The following SLC9C1 variants were observed in gnomAD, a reference collection of about 807,000 sequenced individuals.
SLC9C1 encodes the protein solute carrier family 9 member C1, also known as sodium/hydrogen exchanger 10.
Under a neutral mutation model 140.9 loss-of-function variants are expected in SLC9C1, and 97 were observed. The ratio of observed to expected loss-of-function variants is 0.69; its 90% CI spans 0.58 to 0.82. The LOEUF is 0.82. Ranked by LOEUF, SLC9C1 falls within the 40% of genes least tolerant of loss-of-function variation. The pLI is 0.00. For synonymous variants in SLC9C1, 440 were observed against 442.6 expected (o/e 0.99, Z 0.07); for missense variants, 1,340 against 1,389.3 (o/e 0.96, Z 0.56).
chr3:112,154,155 G>A (rs935613216), intron 27 of SLC9C1, among the ~76,000 whole-genome samples: 14 of 152,116 alleles, frequency 9.2e-5, no homozygotes, highest in Non-Finnish European at 2.1e-4. Context: ...TGTAAAATAT[G>A]TATTTAACAA....
chr3:112,290,866 C>T (rs1469281021), intron 1 of SLC9C1, among the ~76,000 whole-genome samples: 1 of 138,994 alleles, frequency 7.2e-6, no homozygotes, highest in African/African-American at 2.7e-5. Flanking sequence ...TGTCTGAAAT[C>T]AGGATTGCAA....
intron 20 of SLC9C1, among the ~76,000 whole-genome samples, chr3:112,188,384 C>A (rs185346099): frequency 1.5e-5 from 2 of 136,602 alleles, no homozygotes; most frequent in Admixed American, 1.5e-4. Flanking sequence ...ATCCCTCCCC[C>A]CTCCCCTCAC....
chr3:112,288,977 A>G (rs1381899101), intron 1 of SLC9C1, among the ~76,000 whole-genome samples: 1 of 152,128 alleles, frequency 6.6e-6, no homozygotes, highest in African/African-American at 2.4e-5. Flanking sequence ...CCTACGTCCT[A>G]TCTCCAGAGA....
chr3:112,198,578 TAGGG>T (rs1461523585), intron 20 of SLC9C1, among the ~76,000 whole-genome samples: 1 of 152,046 alleles, frequency 6.6e-6, no homozygotes, highest in Non-Finnish European at 1.5e-5. Flanking sequence ...TTTATCAAGT[TAGGG>T]AGGTTCCTTC....
At chr3:112,265,494 GAATT>G (rs1396389084) in intron 8 of SLC9C1, among the ~76,000 whole-genome samples, 3 of 152,052 alleles carry the variant, frequency 2.0e-5, no homozygotes, top group Non-Finnish European at 4.4e-5. Context: ...TCTTATATCA[GAATT>G]AATTCTATCT....
At chr3:112,251,415 A>G (rs2079453154) in intron 10 of SLC9C1, among the ~76,000 whole-genome samples, 4 of 152,220 alleles carry the variant, frequency 2.6e-5, no homozygotes, top group South Asian at 2.1e-4. Context: ...TCAGTCTAAC[A>G]TGGAGTCTTA....
chr3:112,221,859 C>T (rs1051382336), intron 13 of SLC9C1, among the ~76,000 whole-genome samples: 5 of 152,168 alleles, frequency 3.3e-5, no homozygotes, highest in African/African-American at 1.2e-4. Context: ...GACACTGTTC[C>T]TGGCATCCAT....
chr3:112,228,432 G>T (rs1215190338), intron 13 of SLC9C1, among the ~76,000 whole-genome samples: 2 of 151,894 alleles, frequency 1.3e-5, no homozygotes, highest in Non-Finnish European at 2.9e-5. Flanking sequence ...GAAACCACTA[G>T]AAGAAAACGG....
chr3:112,173,066 C>T (rs182894629), intron 23 of SLC9C1, among the ~76,000 whole-genome samples: 217 of 152,178 alleles, frequency 1.4e-3, no homozygotes, highest in South Asian at 3.5e-3. Flanking sequence ...CCATAAAATG[C>T]ACTGGAAAGC....
chr3:112,184,402 C>T (rs2077493058), intron 20 of SLC9C1, among the ~76,000 whole-genome samples: 1 of 124,820 alleles, frequency 8.0e-6, no homozygotes, highest in East Asian at 2.4e-4. Context: ...CTTTGAAAGG[C>T]CAAGGCAGGT....
At chr3:112,221,759 A>G (rs11926389) in intron 13 of SLC9C1, among the ~76,000 whole-genome samples, 114,672 of 151,864 alleles carry the variant, frequency 0.76, 43,710 homozygotes, top group East Asian at 0.99. Context: ...ACTATTTGGC[A>G]GAATGCAGTC....
intron 25 of SLC9C1, 92 bp downstream of exon 25, chr3:112,168,785 A>G (rs1483400886): frequency 8.3e-7 from 1 of 1,207,520 alleles, no homozygotes; most frequent in East Asian, 2.4e-5. Flanking sequence ...GAAGATGAAA[A>G]GCTTAAGATT....
chr3:112,291,221 A>G (rs1268551836), intron 1 of SLC9C1, among the ~76,000 whole-genome samples: 2 of 152,186 alleles, frequency 1.3e-5, no homozygotes, highest in African/African-American at 4.8e-5. Flanking sequence ...CTAAGGTTTC[A>G]CGACAAAGAC....
rs183518093 is a variant in SLC9C1 at position 112,159,750 on chromosome 3, G to T, written c.3365-4701C>A. On this transcript the variant is annotated intron_variant, in intron 26 of 28. Coordinates refer to ENST00000305815, the MANE Select transcript of SLC9C1 (RefSeq NM_183061.3). ...ATATCTGGGGACTCTGATGTTTAGCGCATACGTATATTGACAATTGTTATA... is the reference window on the plus strand; with the variant it reads ...ATATCTGGGGACTCTGATGTTTAGCTCATACGTATATTGACAATTGTTATA... Among the ~76,000 whole-genome samples, 133 of 152,022 alleles carry T rather than the reference G, an allele frequency of 8.7e-4. 2 individuals carry two copies. Among genetic ancestry groups the T allele is most frequent in the African/African-American group, 2.9e-3 (122 of 41,512 alleles).
At chr3:112,191,357 A>G (rs2077657892) in intron 20 of SLC9C1, among the ~76,000 whole-genome samples, 2 of 152,084 alleles carry the variant, frequency 1.3e-5, no homozygotes, top group African/African-American at 4.8e-5. Context: ...TTGCGTTGAG[A>G]TACATTCTCT....
At chr3:112,207,272 G>A (rs1033623608) in intron 16 of SLC9C1, among the ~76,000 whole-genome samples, 1 of 152,134 alleles carries the variant, frequency 6.6e-6, no homozygotes, top group African/African-American at 2.4e-5. Context: ...AATTCTGAAG[G>A]GATAGTAGGA....
At chr3:112,291,392 G>A (rs1465495452) in intron 1 of SLC9C1, among the ~76,000 whole-genome samples, 1 of 152,044 alleles carries the variant, frequency 6.6e-6, no homozygotes, top group Non-Finnish European at 1.5e-5. Flanking sequence ...CTAATATCCA[G>A]CATCTATAAG....
chr3:112,186,024 A>G, intron 20 of SLC9C1: 2 of 1,426,866 alleles, frequency 1.4e-6, no homozygotes, highest in Non-Finnish European at 1.9e-6. Flanking sequence ...TCTTATGTGT[A>G]TTAGCCATTT....
At chr3:112,199,298 G>T in intron 20 of SLC9C1, 23 bp downstream of exon 20, 1 of 1,517,894 alleles carries the variant, frequency 6.6e-7, no homozygotes, top group Non-Finnish European at 8.8e-7. Context: ...AAATATACTT[G>T]CTTTGAAAAT....
Sources: allele counts gnomAD v4.1 joint callset (sites outside exome capture counted in the v4.1 genomes callset), GRCh38; gene constraint gnomAD v4.1.1; transcripts MANE v1.5; gene names NCBI Gene and HGNC (gene_info 2026-07-23, HGNC 2026-07-21).